SP3: variants seen among roughly 807,000 people sequenced by gnomAD.
SP3 encodes Sp3 transcription factor.
SP3 carries 10 observed loss-of-function variants against 70.3 expected under a neutral mutation model. The ratio of observed to expected loss-of-function variants is 0.14; its 90% CI spans 0.09 to 0.24. The LOEUF (loss-of-function observed/expected upper bound fraction) is 0.24, where lower values mean the gene tolerates loss of function less well. SP3 is among the 10% of genes least tolerant of loss of function. The pLI, the probability that SP3 is intolerant of heterozygous loss-of-function variation, is 1.00. For missense variants in SP3, 825 were observed against 914.6 expected, an observed-to-expected ratio of 0.90 and a Z score of 1.26; for synonymous variants, 402 against 333.5, an observed-to-expected ratio of 1.21 and a Z score of -2.24.
intron 4 of SP3, among the ~76,000 whole-genome samples, chr2:173,924,037 T>G (rs950226906): frequency 6.6e-6 from 1 of 152,052 alleles, no homozygotes; most frequent in African/African-American, 2.4e-5. Context: ...AGTTAACACT[T>G]TAGGGGTTAG....
chr2:173,949,461 G>A (rs1456439245), intron 4 of SP3, among the ~76,000 whole-genome samples: 5 of 151,986 alleles, frequency 3.3e-5, no homozygotes. Flanking sequence ...GACACTATAG[G>A]AGAGTGAAAA....
intron 4 of SP3, among the ~76,000 whole-genome samples, chr2:173,930,860 G>A (rs374816789): frequency 2.0e-5 from 3 of 152,112 alleles, no homozygotes; most frequent in African/African-American, 4.8e-5. Context: ...AGCCACGTAC[G>A]TTAACTTCAA....
chr2:173,914,711 T>C (rs1242957531), intron 5 of SP3: 2 of 152,140 alleles, frequency 1.3e-5, no homozygotes, highest in African/African-American at 2.4e-5. Context: ...TCTAACACAA[T>C]TCTAGTTTCT....
rs1689412550 is a variant in SP3 at position 173,909,358 on chromosome 2, T to C, written c.*583A>G. 6.6e-6 allele frequency: 1 copy of C among 152,532 alleles called. No homozygotes were observed. The highest frequency in any genetic ancestry group is 2.1e-4 in the South Asian group (1 of 4,834). 9.4% of individuals were successfully genotyped at this position (152,532 alleles called of 1,614,324 possible). A position where few individuals can be genotyped will look rare whatever the true frequency, so the allele number is the denominator to read the frequency against. On this transcript the variant is annotated 3_prime_UTR_variant, in exon 7 of 7. Coordinates refer to ENST00000310015, the MANE Select transcript of SP3 (RefSeq NM_003111.5). ...ATCCCTAGAGTTCCATGTTAAAATG[T>C]AGTTTTCAAAATCTTACAAGAGTAA...
intron 4 of SP3, among the ~76,000 whole-genome samples, chr2:173,950,736 G>GT (rs1373145423): frequency 1.3e-5 from 2 of 151,458 alleles, no homozygotes; most frequent in East Asian, 1.9e-4. Context: ...CATACTACAC[G>GT]TAACACTGAA....
intron 4 of SP3, among the ~76,000 whole-genome samples, chr2:173,927,197 C>G (rs183541082): frequency 3.9e-5 from 6 of 152,162 alleles, no homozygotes; most frequent in East Asian, 1.9e-4. Flanking sequence ...CACCTTCCAT[C>G]AAGTCCTTCC....
At chr2:173,954,177 A>G (rs928721846) in intron 4 of SP3, among the ~76,000 whole-genome samples, 2 of 152,260 alleles carry the variant, frequency 1.3e-5, no homozygotes, top group Non-Finnish European at 2.9e-5. Flanking sequence ...CAACATTAAT[A>G]GGGTAAAAAT....
At chr2:173,953,789 A>AAC (rs1690792573) in intron 4 of SP3, among the ~76,000 whole-genome samples, 3 of 151,914 alleles carry the variant, frequency 2.0e-5, no homozygotes, top group Admixed American at 2.0e-4. Context: ...CAAAACAAAA[A>AAC]AAAAAACAAC....
chr2:173,913,330 A>G, intron 5 of SP3, 64 bp from the exon 6 acceptor site: 4 of 1,156,562 alleles, frequency 3.5e-6, no homozygotes, highest in Non-Finnish European at 4.6e-6. Flanking sequence ...ATTACCATTT[A>G]CATCATATAT....
At chr2:173,960,814 CAA>C (rs142922056) in intron 3 of SP3, among the ~76,000 whole-genome samples, 1 of 143,352 alleles carries the variant, frequency 7.0e-6, no homozygotes. Context: ...ACTAAAAATA[CAA>C]AAAAAAAAAA....
At chr2:173,948,452 T>C (rs927056386) in intron 4 of SP3, among the ~76,000 whole-genome samples, 5 of 152,118 alleles carry the variant, frequency 3.3e-5, no homozygotes, top group African/African-American at 7.2e-5. Context: ...GTAAAAACCA[T>C]AGTGTATATA....
chr2:173,928,429 T>C (rs1037313208), intron 4 of SP3, among the ~76,000 whole-genome samples: 12 of 151,898 alleles, frequency 7.9e-5, no homozygotes, highest in Non-Finnish European at 1.3e-4. Flanking sequence ...TTTCTGCCAC[T>C]GCTGCAATGG....
At chr2:173,910,344 C>T (rs1030538587) in intron 6 of SP3, 87 bp from the exon 7 acceptor site, 33 of 1,115,458 alleles carry the variant, frequency 3.0e-5, no homozygotes, top group South Asian at 9.5e-5. Context: ...AGTAAGTCAA[C>T]GCTGACAGGT....
chr2:173,938,327 G>A (rs1417571043), intron 4 of SP3, among the ~76,000 whole-genome samples: 1 of 151,636 alleles, frequency 6.6e-6, no homozygotes, highest in Non-Finnish European at 1.5e-5. Context: ...CGTGGTGGTG[G>A]GCGCCTGTAA....
chr2:173,938,146 G>T (rs1319282641), intron 4 of SP3, among the ~76,000 whole-genome samples: 1 of 152,098 alleles, frequency 6.6e-6, no homozygotes, highest in Non-Finnish European at 1.5e-5. Context: ...CACAATTACA[G>T]AATTGGTAGA....
intron 5 of SP3, chr2:173,914,487 C>T (rs942546576): frequency 1.3e-5 from 2 of 152,118 alleles, no homozygotes; most frequent in African/African-American, 2.4e-5. Context: ...TGCCATAGGA[C>T]AAACAGTGCT....
At chr2:173,910,793 C>T (rs1177900130) in intron 6 of SP3, among the ~76,000 whole-genome samples, 1 of 152,170 alleles carries the variant, frequency 6.6e-6, no homozygotes, top group African/African-American at 2.4e-5. Context: ...GGCTAGCTGA[C>T]TTGACTTCAG....
rs750246347 is a variant in SP3, at chr2:173,909,922, A to T, written c.*19T>A. ...TACTGTATAAAAATAACCACAATGA[A>T]TAAGTATTTGTGTAATATTTACTCC... On this transcript the variant is annotated 3_prime_UTR_variant, in exon 7 of 7. Transcript: ENST00000310015. 3 of 1,598,580 alleles carry T rather than the reference A, an allele frequency of 1.9e-6. No individual in the cohort carries two copies. The highest frequency in any genetic ancestry group is 2.7e-5 in the African/African-American group (2 of 74,548).
intron 4 of SP3, among the ~76,000 whole-genome samples, chr2:173,941,441 C>A (rs1044815049): frequency 3.3e-5 from 5 of 152,172 alleles, no homozygotes; most frequent in African/African-American, 1.2e-4. Flanking sequence ...AACCCCATCT[C>A]TTCTAAAAAT....
Sources: allele counts gnomAD v4.1 joint callset (sites outside exome capture counted in the v4.1 genomes callset), GRCh38; gene constraint gnomAD v4.1.1; transcripts MANE v1.5; gene names NCBI Gene and HGNC (gene_info 2026-07-23, HGNC 2026-07-21).